Variants in TIAM1 observed in about 807,000 individuals in gnomAD.
TIAM1 encodes rho guanine nucleotide exchange factor TIAM1.
Under a neutral mutation model 163.5 loss-of-function variants are expected in TIAM1, and 65 were observed. The ratio of observed to expected loss-of-function variants is 0.40; its 90% CI spans 0.33 to 0.49. TIAM1 has a LOEUF of 0.49. TIAM1 is among the 20% of genes least tolerant of loss of function. The probability of loss-of-function intolerance (pLI) is 0.77; values close to 1 mark genes in which losing one functional copy is unlikely to be tolerated. For missense variants in TIAM1, 1,789 were observed against 2,044.7 expected (o/e 0.87, Z 2.41); for synonymous variants, 833 against 810.1 (o/e 1.03, Z -0.48).
chr21:31,422,412 G>C (rs907172781), intron 2 of TIAM1, among the ~76,000 whole-genome samples: 9 of 152,106 alleles, frequency 5.9e-5, no homozygotes, highest in African/African-American at 2.4e-5. Flanking sequence ...GTGCATAAGC[G>C]TTACGTGGCA....
chr21:31,208,237 G>A (rs1364932782), intron 11 of TIAM1, among the ~76,000 whole-genome samples: 1 of 152,112 alleles, frequency 6.6e-6, no homozygotes, highest in Non-Finnish European at 1.5e-5. Context: ...ACCAATCAAT[G>A]GTAATCGGAA....
At chr21:31,161,789 T>C (rs752088083) in intron 16 of TIAM1, among the ~76,000 whole-genome samples, 1 of 152,210 alleles carries the variant, frequency 6.6e-6, no homozygotes, top group Non-Finnish European at 1.5e-5. Flanking sequence ...TAAATCATGC[T>C]TCCGAGTTTA....
At chr21:31,391,868 G>A (rs1421000039) in intron 2 of TIAM1, among the ~76,000 whole-genome samples, 1 of 152,072 alleles carries the variant, frequency 6.6e-6, no homozygotes. Flanking sequence ...AGGACGGTTA[G>A]ACTTACAGTT....
At chr21:31,193,943 G>T (rs2085704151) in intron 13 of TIAM1, among the ~76,000 whole-genome samples, 1 of 152,130 alleles carries the variant, frequency 6.6e-6, no homozygotes. Context: ...TAAAGATTAG[G>T]ATAGGGCAGC....
At chr21:31,187,294 C>G (rs895360003) in intron 13 of TIAM1, among the ~76,000 whole-genome samples, 1 of 152,120 alleles carries the variant, frequency 6.6e-6, no homozygotes, top group Non-Finnish European at 1.5e-5. Context: ...TTACTATGTA[C>G]GTCTATCTTC....
Position 31,260,238 on chromosome 21 carries a change from A to G in TIAM1, c.963+5772T>C, listed in dbSNP as rs540502843. Among the ~76,000 whole-genome samples, 601 of 144,158 alleles carry G rather than the reference A, an allele frequency of 4.2e-3. 2 individuals carry two copies. Among genetic ancestry groups the G allele is most frequent in the Non-Finnish European group, 6.5e-3 (433 of 66,456 alleles). The allele number at this position is 144,158 out of a possible 152,430, so 94.6% of individuals were successfully genotyped here. ...ATTAATAAAATATATATATACACAT[A>G]TATACTTTTTTTTTTTTGAGACGGA... is the stretch of plus-strand genomic sequence containing the variant. On this transcript the variant is annotated intron_variant, in intron 4 of 27. Coordinates refer to ENST00000541036, the MANE Select transcript of TIAM1 (RefSeq NM_001353694.2).
chr21:31,449,809 T>C (rs1030281820), intron 2 of TIAM1, among the ~76,000 whole-genome samples: 2 of 152,204 alleles, frequency 1.3e-5, no homozygotes, highest in East Asian at 1.9e-4. Flanking sequence ...GCCTGGTTTG[T>C]AGTCAGGCAA....
chr21:31,524,305 G>A (rs1214370274), intron 1 of TIAM1, among the ~76,000 whole-genome samples: 1 of 152,156 alleles, frequency 6.6e-6, no homozygotes, highest in South Asian at 2.1e-4. Context: ...GGCAGAGGAG[G>A]AGCAAGAGAG....
intron 2 of TIAM1, among the ~76,000 whole-genome samples, chr21:31,334,555 G>A (rs188315361): frequency 7.6e-4 from 115 of 152,214 alleles, no homozygotes; most frequent in African/African-American, 2.3e-3. Context: ...TTGACTCTCC[G>A]GGGATTTCAG....
chr21:31,298,799 TGAGAGA>T (rs72318608), intron 2 of TIAM1, among the ~76,000 whole-genome samples: 34,289 of 129,712 alleles, frequency 0.26, 4,495 homozygotes, highest in East Asian at 0.51. Flanking sequence ...AAAAAAACAA[TGAGAGA>T]GAGAGAGAGA....
chr21:31,279,842 C>T (rs1303794201), intron 2 of TIAM1, among the ~76,000 whole-genome samples: 1 of 152,130 alleles, frequency 6.6e-6, no homozygotes, highest in Non-Finnish European at 1.5e-5. Flanking sequence ...ATTATGCAGG[C>T]TTCCTTAGCA....
Position 31,552,048 on chromosome 21 carries a change from C to CTTTT in TIAM1, c.-422+6875_-422+6878dup, listed in dbSNP as rs200300720. Among the ~76,000 whole-genome samples the CTTTT allele has an allele frequency of 2.6e-3, 210 of 80,144 alleles. 16 individuals are homozygous for CTTTT. Among genetic ancestry groups the CTTTT allele is most frequent in the Non-Finnish European group, 3.9e-3 (179 of 46,114 alleles). 52.6% of individuals were successfully genotyped at this position (80,144 alleles called of 152,430 possible). ...TATATGGAATTTTTACTCTGCACTA[C>CTTTT]TTTTTTTTTTTTTTTTTTTTTTTTT... is the stretch of plus-strand genomic sequence containing the variant. On this transcript the variant is annotated intron_variant, in intron 1 of 28. Transcript: ENST00000286827.
At chr21:31,247,335 G>C (rs974951096) in intron 5 of TIAM1, among the ~76,000 whole-genome samples, 1 of 151,748 alleles carries the variant, frequency 6.6e-6, no homozygotes, top group Non-Finnish European at 1.5e-5. Context: ...GAAAGATAAA[G>C]TTTTATATTG....
At chr21:31,149,240 T>C (rs78514469) in intron 19 of TIAM1, among the ~76,000 whole-genome samples, 4,297 of 152,322 alleles carry the variant, frequency 0.028, 89 homozygotes, top group East Asian at 0.077. Flanking sequence ...ACCGGTTTGG[T>C]ATCCTTGATC....
rs1225839495 is a variant in TIAM1 at position 31,210,659 on chromosome 21, AAG to A, written c.2218-446_2218-445del. 2.0e-3 allele frequency among the ~76,000 whole-genome samples: 37 copies of A among 18,434 alleles called. 3 individuals carry two copies. The highest frequency in any genetic ancestry group is 3.3e-3 in the African/African-American group (12 of 3,614). The allele number at this position is 18,434 out of a possible 152,430, so 12.1% of individuals were successfully genotyped here. ...AAAGAAAGAAAGAAAGAAAGAAAGA[AAG>A]AAAGAAAAAGAAAGAAAGAAAGAAA... is the stretch of plus-strand genomic sequence containing the variant. On this transcript the variant is annotated intron_variant, in intron 10 of 27. Transcript: ENST00000541036.
intron 1 of TIAM1, among the ~76,000 whole-genome samples, chr21:31,548,499 T>C (rs141996758): frequency 5.3e-5 from 8 of 150,750 alleles, no homozygotes; most frequent in Non-Finnish European, 8.9e-5. Context: ...TGTTTTTTTT[T>C]TTTTTTGAGA....
rs573624521 is a variant in TIAM1, at chr21:31,236,445, A to G, written c.1584+9043T>C. Among the ~76,000 whole-genome samples, 9 of 152,268 alleles carry G rather than the reference A, an allele frequency of 5.9e-5. No homozygotes were observed. In the South Asian group the frequency reaches 1.9e-3, roughly 32 times the overall value. On this transcript the variant is annotated intron_variant, in intron 6 of 27. Coordinates refer to ENST00000541036, the MANE Select transcript of TIAM1 (RefSeq NM_001353694.2). ...ACAGACTAAGTCAACACGGAAACCA[A>G]CAAAGAGAATGAAGACCTCGCACTC...
intron 2 of TIAM1, among the ~76,000 whole-genome samples, chr21:31,303,034 A>C (rs1426624850): frequency 1.3e-5 from 2 of 152,208 alleles, no homozygotes; most frequent in Non-Finnish European, 2.9e-5. Context: ...TGTGATCTTC[A>C]TATCACTAAA....
At chr21:31,189,043 TC>T (rs2085431891) in intron 13 of TIAM1, among the ~76,000 whole-genome samples, 2 of 97,870 alleles carry the variant, frequency 2.0e-5, no homozygotes, top group Non-Finnish European at 4.0e-5. Context: ...CTCCATTCCC[TC>T]TTTTTTTTTT....
Sources: gnomAD v4.1 joint callset for allele counts (sites outside exome capture counted in the v4.1 genomes callset) on GRCh38, gnomAD v4.1.1 for gene constraint, MANE v1.5 for transcripts, NCBI Gene and HGNC (gene_info 2026-07-23, HGNC 2026-07-21) for gene names.